The following SOX5 variants were observed in gnomAD, a reference collection of about 807,000 sequenced individuals.
The protein encoded by SOX5 is transcription factor SOX-5.
SOX5 carries 9 observed loss-of-function variants against 92.0 expected under a neutral mutation model. That is an observed-to-expected ratio of 0.10 (90% confidence interval 0.06 to 0.17). SOX5 has a LOEUF of 0.17. Among genes scored for constraint, SOX5 ranks in the 10% least tolerant of loss-of-function variants. SOX5 has a pLI of 1.00. For synonymous variants in SOX5, 344 were observed against 336.3 expected, an observed-to-expected ratio of 1.02 and a Z score of -0.25; for missense variants, 642 against 944.5, an observed-to-expected ratio of 0.68 and a Z score of 4.20.
At chr12:23,825,197 G>A (rs1025481321) in intron 3 of SOX5, among the ~76,000 whole-genome samples, 2 of 152,196 alleles carry the variant, frequency 1.3e-5, no homozygotes, top group African/African-American at 4.8e-5. Flanking sequence ...CTTTGTGCTT[G>A]AAACCCAGGG....
chr12:24,544,679 AATTCT>A (rs1406490146), intron 1 of SOX5, among the ~76,000 whole-genome samples: 1 of 152,196 alleles, frequency 6.6e-6, no homozygotes, highest in Non-Finnish European at 1.5e-5. Flanking sequence ...AAAGCATCCC[AATTCT>A]ATTCTAAAAC....
intron 1 of SOX5, among the ~76,000 whole-genome samples, chr12:24,514,829 A>G (rs148163596): frequency 6.6e-6 from 1 of 152,244 alleles, no homozygotes; most frequent in Non-Finnish European, 1.5e-5. Context: ...GCGTGTTCTC[A>G]CTCATAAGTG....
intron 4 of SOX5, among the ~76,000 whole-genome samples, chr12:23,962,849 G>A (rs972758965): frequency 1.3e-5 from 2 of 151,976 alleles, no homozygotes; most frequent in African/African-American, 2.4e-5. Context: ...TCAAGGTACT[G>A]TAGAAATCAT....
At chr12:24,254,597 T>C (rs1420265844) in intron 3 of SOX5, among the ~76,000 whole-genome samples, 1 of 152,006 alleles carries the variant, frequency 6.6e-6, no homozygotes, top group Non-Finnish European at 1.5e-5. Flanking sequence ...GAAGGTAGCA[T>C]GGGTACTTGA....
intron 3 of SOX5, among the ~76,000 whole-genome samples, chr12:23,770,959 TG>T (rs1481906085): frequency 6.6e-6 from 1 of 151,942 alleles, no homozygotes; most frequent in Admixed American, 6.6e-5. Flanking sequence ...TCTGTCACAG[TG>T]GAGATATTCA....
chr12:24,378,965 C>T (rs1431628308), intron 1 of SOX5, among the ~76,000 whole-genome samples: 2 of 152,222 alleles, frequency 1.3e-5, no homozygotes, highest in East Asian at 3.9e-4. Flanking sequence ...TTGTCATGTT[C>T]CGCATCATTC....
intron 6 of SOX5, among the ~76,000 whole-genome samples, chr12:23,707,751 G>C (rs773008177): frequency 6.6e-5 from 10 of 151,978 alleles, no homozygotes; most frequent in Non-Finnish European, 1.0e-4. Flanking sequence ...AATGTGACTA[G>C]GGTTTCAAAA....
intron 1 of SOX5, among the ~76,000 whole-genome samples, chr12:24,374,646 G>A (rs1289668079): frequency 1.3e-5 from 2 of 152,314 alleles, no homozygotes; most frequent in Admixed American, 1.3e-4. Flanking sequence ...CTGGCTCAAA[G>A]TCCAGGTGGG....
At chr12:24,145,926 A>G (rs940676014) in intron 4 of SOX5, among the ~76,000 whole-genome samples, 1 of 152,238 alleles carries the variant, frequency 6.6e-6, no homozygotes, top group African/African-American at 2.4e-5. Context: ...AGGTCAATTT[A>G]TCAAGAGGAC....
chr12:24,087,889 A>G (rs569699262), intron 4 of SOX5, among the ~76,000 whole-genome samples: 70 of 152,162 alleles, frequency 4.6e-4, no homozygotes, highest in African/African-American at 1.5e-3. Context: ...AAATAAAAGC[A>G]TCTCTTATTT....
intron 9 of SOX5, among the ~76,000 whole-genome samples, chr12:23,588,080 G>A (rs1230296493): frequency 6.6e-6 from 1 of 152,008 alleles, no homozygotes; most frequent in Non-Finnish European, 1.5e-5. Context: ...ATTCCAAGGG[G>A]TGATGACTAT....
intron 1 of SOX5, among the ~76,000 whole-genome samples, chr12:23,938,917 C>T (rs1943112932): frequency 6.6e-6 from 1 of 150,860 alleles, no homozygotes; most frequent in South Asian, 2.1e-4. Context: ...AGATATCTGA[C>T]TAGTATGTTA....
At chr12:23,659,201 A>T (rs2082704395) in intron 7 of SOX5, among the ~76,000 whole-genome samples, 2 of 152,202 alleles carry the variant, frequency 1.3e-5, no homozygotes, top group South Asian at 4.1e-4. Context: ...GATATAATGG[A>T]ACCCACATGA....
intron 2 of SOX5, among the ~76,000 whole-genome samples, chr12:24,329,598 T>G (rs1951069856): frequency 1.3e-5 from 2 of 152,128 alleles, no homozygotes; most frequent in South Asian, 4.2e-4. Context: ...GGTTCTATAT[T>G]GGTTCTACAC....
chr12:23,743,525 C>T (rs947721480), intron 4 of SOX5, among the ~76,000 whole-genome samples: 2 of 151,772 alleles, frequency 1.3e-5, no homozygotes, highest in Non-Finnish European at 1.5e-5. Flanking sequence ...CTGGCCAGGC[C>T]GGTCTCGAAC....
chr12:24,286,314 C>T (rs1945855829), intron 2 of SOX5, among the ~76,000 whole-genome samples: 1 of 152,212 alleles, frequency 6.6e-6, no homozygotes, highest in East Asian at 1.9e-4. Flanking sequence ...ATATATGGAA[C>T]TCGACAGTCA....
chr12:24,068,697 T>TGC (rs1941208517), intron 4 of SOX5, among the ~76,000 whole-genome samples: 2 of 57,048 alleles, frequency 3.5e-5, no homozygotes, highest in African/African-American at 1.5e-4. Flanking sequence ...TGTGTGTGTG[T>TGC]GTGTGTGTAT....
chr12:24,236,115 C>T lies in SOX5; in HGVS notation c.-76-22698G>A, dbSNP rs1024918176. Among the ~76,000 whole-genome samples the T allele has an allele frequency of 2.1e-4, 32 of 152,158 alleles. 1 individual carries two copies. Among genetic ancestry groups the T allele is most frequent in the Admixed American group, 2.1e-3 (32 of 15,270 alleles). On this transcript the variant is annotated intron_variant, in intron 3 of 4. Transcript: ENST00000446891. ...GCTGAGGCAGGAGAATGGCGTGAACCCGGGAAGTGGGTTCACTGCTTGCAG... is the reference window on the plus strand; with the variant it reads ...GCTGAGGCAGGAGAATGGCGTGAACTCGGGAAGTGGGTTCACTGCTTGCAG...
intron 4 of SOX5, among the ~76,000 whole-genome samples, chr12:24,159,045 G>A (rs1952487114): frequency 1.3e-5 from 2 of 151,882 alleles, no homozygotes; most frequent in African/African-American, 4.8e-5. Flanking sequence ...TTAATTTGGA[G>A]TGATATGATG....
Sources: allele counts gnomAD v4.1 joint callset (sites outside exome capture counted in the v4.1 genomes callset), GRCh38; gene constraint gnomAD v4.1.1; transcripts MANE v1.5; gene names NCBI Gene and HGNC (gene_info 2026-07-23, HGNC 2026-07-21).